Variants in PCSK6 observed in about 807,000 individuals in gnomAD.
The protein encoded by PCSK6 is proprotein convertase subtilisin/kexin type 6.
Under a neutral mutation model 123.3 loss-of-function variants are expected in PCSK6, and 85 were observed. The ratio of observed to expected loss-of-function variants is 0.69; its 90% CI spans 0.58 to 0.83. The LOEUF (loss-of-function observed/expected upper bound fraction) is 0.83. PCSK6 is among the 40% of genes least tolerant of loss of function. The pLI is 0.00. For missense variants in PCSK6, 1,191 were observed against 1,282.3 expected (o/e 0.93, Z 1.09); for synonymous variants, 508 against 516.0 (o/e 0.98, Z 0.21).
intron 13 of PCSK6, among the ~76,000 whole-genome samples, chr15:101,332,534 T>C (rs77592868): frequency 0.025 from 3,858 of 152,252 alleles, 118 homozygotes; most frequent in East Asian, 0.13. Context: ...TCCTAGATCA[T>C]GGGAAGACTC....
intron 1 of PCSK6, among the ~76,000 whole-genome samples, chr15:101,456,299 A>G (rs1204400226): frequency 6.6e-6 from 1 of 152,166 alleles, no homozygotes; most frequent in African/African-American, 2.4e-5. Context: ...ACCCACAGTG[A>G]CGAGACTCTG....
At chr15:101,327,822 G>GT (rs1413304253) in intron 15 of PCSK6, among the ~76,000 whole-genome samples, 1 of 151,972 alleles carries the variant, frequency 6.6e-6, no homozygotes, top group Non-Finnish European at 1.5e-5. Context: ...AGTTTTCACT[G>GT]GGGGGGCTTT....
At chr15:101,435,086 C>A (rs1050958915) in intron 2 of PCSK6, among the ~76,000 whole-genome samples, 4 of 152,170 alleles carry the variant, frequency 2.6e-5, no homozygotes, top group East Asian at 1.9e-4. Context: ...GTGCCTCCCC[C>A]TCCCATCCCC....
Position 101,430,065 on chromosome 15 carries a change from T to C in PCSK6, c.658-2A>G. 2 of 1,613,220 alleles carry C rather than the reference T, an allele frequency of 1.2e-6. No individual in the cohort carries two copies. The highest frequency in any genetic ancestry group is 1.7e-6 in the Non-Finnish European group (2 of 1,179,150). On this transcript the variant is annotated splice_acceptor_variant, in intron 4 of 21. Transcript: ENST00000611716. LOFTEE classifies it high-confidence loss of function. ...CACGTCGTAGCTGGCGTAGGAATCC[T>C]AAGAAATGGAATCGTGGTGAGTGAG...
chr15:101,475,260 A>G (rs1343807939), intron 1 of PCSK6, among the ~76,000 whole-genome samples: 1 of 152,212 alleles, frequency 6.6e-6, no homozygotes, highest in Non-Finnish European at 1.5e-5. Context: ...TGGCAAACAA[A>G]TGGTGCTGCA....
At chr15:101,338,824 T>C (rs2040539243) in intron 13 of PCSK6, among the ~76,000 whole-genome samples, 1 of 152,242 alleles carries the variant, frequency 6.6e-6, no homozygotes, top group East Asian at 1.9e-4. Context: ...GCCAGCAGGC[T>C]GCCTCCAGAT....
At chr15:101,405,816 T>C (rs2042759326) in intron 6 of PCSK6, among the ~76,000 whole-genome samples, 1 of 152,032 alleles carries the variant, frequency 6.6e-6, no homozygotes, top group Non-Finnish European at 1.5e-5. Flanking sequence ...TGATCTCAGC[T>C]CACTGCAACC....
chr15:101,366,694 A>C (rs558114579), intron 12 of PCSK6, among the ~76,000 whole-genome samples: 62 of 152,256 alleles, frequency 4.1e-4, no homozygotes, highest in African/African-American at 1.4e-3. Context: ...CTTCCCACCC[A>C]GCAACAATCT....
chr15:101,451,329 A>T (rs1305063798), intron 1 of PCSK6, among the ~76,000 whole-genome samples: 2 of 151,482 alleles, frequency 1.3e-5, no homozygotes, highest in African/African-American at 4.9e-5. Context: ...TCTCCAATGG[A>T]CGTGACTGCA....
At chr15:101,464,585 C>T (rs1354231404) in intron 1 of PCSK6, among the ~76,000 whole-genome samples, 3 of 152,148 alleles carry the variant, frequency 2.0e-5, no homozygotes, top group Admixed American at 6.5e-5. Context: ...AGTCTGTGAT[C>T]GAGCAGGCTG....
chr15:101,455,287 T>C (rs563742542), intron 1 of PCSK6, among the ~76,000 whole-genome samples: 1 of 152,214 alleles, frequency 6.6e-6, no homozygotes, highest in Non-Finnish European at 1.5e-5. Context: ...GGAGAAGGCA[T>C]AGCCGACCCC....
At chr15:101,397,491 C>A (rs1284190299) in intron 7 of PCSK6, among the ~76,000 whole-genome samples, 1 of 152,078 alleles carries the variant, frequency 6.6e-6, no homozygotes, top group Non-Finnish European at 1.5e-5. Flanking sequence ...TCCTGCCACC[C>A]CCTCCCATTC....
At chr15:101,332,488 G>C (rs1200587820) in intron 13 of PCSK6, among the ~76,000 whole-genome samples, 1 of 152,184 alleles carries the variant, frequency 6.6e-6, no homozygotes, top group East Asian at 1.9e-4. Context: ...GTGATAACTG[G>C]GTTGCATGGA....
chr15:101,431,633 C>G, intron 3 of PCSK6, 170 bp from the exon 4 acceptor site: 1 of 803,644 alleles, frequency 1.2e-6, no homozygotes, highest in East Asian at 2.7e-5. Context: ...GATCGAGAAT[C>G]ATGCAGACGG....
At chr15:101,353,194 G>A (rs1783031366) in intron 13 of PCSK6, among the ~76,000 whole-genome samples, 1 of 152,074 alleles carries the variant, frequency 6.6e-6, no homozygotes, top group Admixed American at 6.5e-5. Context: ...GGTCCCGTCT[G>A]GGGGTGATGG....
intron 12 of PCSK6, among the ~76,000 whole-genome samples, chr15:101,369,261 T>G (rs2041501604): frequency 6.6e-6 from 1 of 152,166 alleles, no homozygotes; most frequent in Non-Finnish European, 1.5e-5. Flanking sequence ...TGCTGCTGAG[T>G]CAATTACCCT....
chr15:101,445,321 C>T (rs1349313459), intron 1 of PCSK6, among the ~76,000 whole-genome samples: 2 of 152,176 alleles, frequency 1.3e-5, no homozygotes, highest in African/African-American at 4.8e-5. Context: ...TACCCTCTCT[C>T]AGTTTCCTTA....
At chr15:101,458,873 A>G (rs1393432346) in intron 1 of PCSK6, among the ~76,000 whole-genome samples, 1 of 152,128 alleles carries the variant, frequency 6.6e-6, no homozygotes, top group Non-Finnish European at 1.5e-5. Flanking sequence ...TAATTCCTTC[A>G]CATCCATCTC....
intron 18 of PCSK6, among the ~76,000 whole-genome samples, chr15:101,320,284 C>A (rs897650021): frequency 2.6e-5 from 4 of 152,110 alleles, no homozygotes; most frequent in African/African-American, 9.7e-5. Context: ...CAGGGTTTCG[C>A]CATGTTGGCC....
Sources: gnomAD v4.1 joint callset for allele counts (sites outside exome capture counted in the v4.1 genomes callset) on GRCh38, gnomAD v4.1.1 for gene constraint, MANE v1.5 for transcripts, NCBI Gene and HGNC (gene_info 2026-07-23, HGNC 2026-07-21) for gene names.